The following PRTG variants were observed in gnomAD, a reference collection of about 807,000 sequenced individuals.
PRTG encodes immunoglobulin superfamily, DCC subclass, member 5.
PRTG carries 67 observed loss-of-function variants against 122.5 expected under a neutral mutation model. The ratio of observed to expected loss-of-function variants is 0.55; its 90% CI spans 0.45 to 0.67. The LOEUF (loss-of-function observed/expected upper bound fraction) is 0.67, where lower values mean the gene tolerates loss of function less well. Ranked by LOEUF, PRTG falls within the 30% of genes least tolerant of loss-of-function variation. The probability of loss-of-function intolerance (pLI) is 0.00; values close to 1 mark genes in which losing one functional copy is unlikely to be tolerated. For synonymous variants in PRTG, 554 were observed against 501.1 expected (o/e 1.11, Z -1.41); for missense variants, 1,435 against 1,415.4 (o/e 1.01, Z -0.22).
rs770802742 is a variant in PRTG, at chr15:55,740,482, T to C, written c.297A>G (p.Glu99=). 1.2e-5 allele frequency: 20 copies of C among 1,614,212 alleles called. No homozygotes were observed. The highest frequency in any genetic ancestry group is 1.6e-5 in the Non-Finnish European group (19 of 1,180,024). Residue 99 remains glutamate (E), a synonymous_variant, in exon 2 of 20, where the codon GAA becomes GAG. Transcript: ENST00000389286. ...SNGSLYISEV[E]GRRGEQSDEG... Reference sequence around the variant, plus strand: ...CATCGGACTGCTCTCCTCGCCTGCCTTCCACCTCACTGATGTATAAAGAGC... The same window carrying C: ...CATCGGACTGCTCTCCTCGCCTGCCCTCCACCTCACTGATGTATAAAGAGC...
At chr15:55,660,908 C>T (rs939377207) in intron 11 of PRTG, among the ~76,000 whole-genome samples, 2 of 152,044 alleles carry the variant, frequency 1.3e-5, no homozygotes, top group Non-Finnish European at 2.9e-5. Context: ...TAATAAATTA[C>T]GAAAATTTCT....
In PRTG at chr15:55,638,540, T is replaced by C; in HGVS notation, c.2452+9A>G. On this transcript the variant is annotated intron_variant, in intron 14 of 19. Coordinates refer to ENST00000389286, the MANE Select transcript of PRTG (RefSeq NM_173814.6). ...AAAGATAAAATCTATAGGGAGCTGTTTTCTTTACCTTCTGGAAGAGTAGAA... is the reference window on the plus strand; with the variant it reads ...AAAGATAAAATCTATAGGGAGCTGTCTTCTTTACCTTCTGGAAGAGTAGAA... The C allele has an allele frequency of 6.3e-7, 1 of 1,591,488 alleles. No individual in the cohort carries two copies. The highest frequency in any genetic ancestry group is 8.5e-7 in the Non-Finnish European group (1 of 1,172,192).
chr15:55,651,886 GAA>G (rs1484176014), intron 11 of PRTG, among the ~76,000 whole-genome samples: 1 of 152,134 alleles, frequency 6.6e-6, no homozygotes, highest in Non-Finnish European at 1.5e-5. Flanking sequence ...CAGCTCTGGT[GAA>G]GACTTAGAGA....
intron 11 of PRTG, among the ~76,000 whole-genome samples, chr15:55,661,106 A>C (rs2059407212): frequency 6.6e-6 from 1 of 151,906 alleles, no homozygotes. Context: ...TTCTTCAAAC[A>C]AAAAAAAGGT....
At chr15:55,660,016 G>C (rs557026509) in intron 11 of PRTG, among the ~76,000 whole-genome samples, 1 of 151,980 alleles carries the variant, frequency 6.6e-6, no homozygotes, top group Non-Finnish European at 1.5e-5. Flanking sequence ...CTATCCATAA[G>C]TAATTTTTTC....
chr15:55,648,950 A>G (rs1015870168), intron 11 of PRTG, among the ~76,000 whole-genome samples: 1 of 151,838 alleles, frequency 6.6e-6, no homozygotes, highest in African/African-American at 2.4e-5. Context: ...TACAAAAATT[A>G]GCCGGGCGTG....
At chr15:55,658,122 T>C (rs1248432045) in intron 11 of PRTG, among the ~76,000 whole-genome samples, 2 of 152,182 alleles carry the variant, frequency 1.3e-5, no homozygotes, top group Non-Finnish European at 2.9e-5. Context: ...CCCATATTTA[T>C]TCAGATGACA....
intron 9 of PRTG, among the ~76,000 whole-genome samples, chr15:55,674,289 G>A (rs917977182): frequency 3.9e-5 from 6 of 152,148 alleles, no homozygotes; most frequent in Admixed American, 2.6e-4. Context: ...TACCATGTAC[G>A]ACTCTGTGAT....
In PRTG at chr15:55,620,134, T is replaced by C. The variant is rs762975987; in HGVS notation, c.3331A>G (p.Thr1111Ala). 6.2e-7 allele frequency: 1 copy of C among 1,614,156 alleles called. No individual in the cohort carries two copies. Among genetic ancestry groups the C allele is most frequent in the Non-Finnish European group, 8.5e-7 (1 of 1,180,020 alleles). ...CCTTCACTATTTGCTGAATGTTCTG[T>C]ATCAGCTGCAACACCAAAGGGTCTT... ...FSRPFGVAAD[T>A]EHSANSEGSH... Residue 1111 changes from threonine to alanine, a missense_variant, in exon 20 of 20, where the codon ACA becomes GCA. Physicochemically the swap from Thr to Ala is moderately conservative, Grantham distance 58. Transcript: ENST00000389286.
Position 55,727,717 on chromosome 15 carries a change from A to T in PRTG, c.397+12665T>A, listed in dbSNP as rs1018347485. Among the ~76,000 whole-genome samples the T allele has an allele frequency of 3.9e-5, 6 of 152,208 alleles. No homozygotes were observed. In the East Asian group the frequency reaches 5.8e-4, roughly 15 times the overall value. On this transcript the variant is annotated intron_variant, in intron 2 of 19. Transcript: ENST00000389286. The stretch of plus-strand genomic sequence containing the variant: ...AGGCTGAGGCAGAAGAATCACTTGA[A>T]CCCAGCGGGCAGTGGTTGCAGTGAG...
At chr15:55,687,249 G>C (rs867047888) in intron 2 of PRTG, among the ~76,000 whole-genome samples, 4 of 152,040 alleles carry the variant, frequency 2.6e-5, no homozygotes, top group Middle Eastern at 6.8e-3. Context: ...TTATTTTTTT[G>C]TTTGCTACAA....
chr15:55,724,031 G>A (rs976586503), intron 2 of PRTG, among the ~76,000 whole-genome samples: 4 of 152,124 alleles, frequency 2.6e-5, no homozygotes, highest in Admixed American at 2.6e-4. Context: ...GATTACATAC[G>A]TGAGCCACCA....
intron 2 of PRTG, among the ~76,000 whole-genome samples, chr15:55,709,684 A>G (rs1211973313): frequency 1.3e-5 from 2 of 152,220 alleles, no homozygotes; most frequent in African/African-American, 2.4e-5. Flanking sequence ...TATCCATTCA[A>G]TGGAATGCTA....
chr15:55,729,596 T>A (rs2414429), intron 2 of PRTG, among the ~76,000 whole-genome samples: 19,770 of 150,212 alleles, frequency 0.13, 1,688 homozygotes, highest in East Asian at 0.33. Context: ...GGAAAAAAAA[T>A]AAAATAAAAT....
In PRTG at chr15:55,614,289, A is replaced by G. The variant is rs1483699978; in HGVS notation, c.*5723T>C. The G allele has an allele frequency of 6.6e-6, 1 of 152,112 alleles. No individual in the cohort carries two copies. The highest frequency in any genetic ancestry group is 2.4e-5 in the African/African-American group (1 of 41,444). The allele number at this position is 152,112 out of a possible 1,614,324, so 9.4% of individuals were successfully genotyped here. On this transcript the variant is annotated 3_prime_UTR_variant, in exon 20 of 20. Coordinates refer to ENST00000389286, the MANE Select transcript of PRTG (RefSeq NM_173814.6). ...AGATCAAATTTCCTAGGAAATGTATATACATGCTGATGGCATAAGGAGAGG... is the reference window on the plus strand; with the variant it reads ...AGATCAAATTTCCTAGGAAATGTATGTACATGCTGATGGCATAAGGAGAGG...
In PRTG at chr15:55,629,367, ATATATATATGTGTGTGTGTGTGTGTGTG is replaced by A. The variant is rs1229539872; in HGVS notation, c.2624-391_2624-364del. ...CATTTTTGTTTGGCTTTGTATATAT[ATATATATATGTGTGTGTGTGTGTGTGTG>A]TGTGTGTGTGTGTGTGTGTGTGTGT... On this transcript the variant is annotated intron_variant, in intron 15 of 19. Coordinates refer to ENST00000389286, the MANE Select transcript of PRTG (RefSeq NM_173814.6). 4.4e-3 allele frequency among the ~76,000 whole-genome samples: 576 copies of A among 130,160 alleles called. 3 individuals carry two copies. Among genetic ancestry groups the A allele is most frequent in the African/African-American group, 0.014 (508 of 35,620 alleles). The allele number at this position is 130,160 out of a possible 152,430, so 85.4% of individuals were successfully genotyped here.
rs989754142 is a variant in PRTG, at chr15:55,616,720, T to C, written c.*3292A>G. 6.6e-6 allele frequency: 1 copy of C among 152,194 alleles called. No homozygotes were observed. The highest frequency in any genetic ancestry group is 2.4e-5 in the African/African-American group (1 of 41,470). 9.4% of individuals were successfully genotyped at this position (152,194 alleles called of 1,614,324 possible). On this transcript the variant is annotated 3_prime_UTR_variant, in exon 20 of 20. Transcript: ENST00000389286. ...TAACCTTAAATATCTTTGGTTTTTT[T>C]CTTTTTAATTTGCTGATAAAAAGTA...
At chr15:55,650,929 T>G (rs1483748378) in intron 11 of PRTG, among the ~76,000 whole-genome samples, 2 of 152,052 alleles carry the variant, frequency 1.3e-5, no homozygotes, top group Non-Finnish European at 2.9e-5. Context: ...ATCCCACCAC[T>G]GCACTCCAGC....
chr15:55,649,628 T>C lies in PRTG; in HGVS notation c.2042-8420A>G, dbSNP rs369567031. Among the ~76,000 whole-genome samples the C allele has an allele frequency of 7.2e-5, 11 of 151,860 alleles. 1 individual carries two copies. In the East Asian group the frequency reaches 1.2e-3, roughly 16 times the overall value. On this transcript the variant is annotated intron_variant, in intron 11 of 19. Transcript: ENST00000389286. ...GGTGAAACTCCATCTCTACTAAAAA[T>C]ACAAAAATTAGCCACGTGTGGTGGT...
Sources: gnomAD v4.1 joint callset for allele counts (sites outside exome capture counted in the v4.1 genomes callset) on GRCh38, gnomAD v4.1.1 for gene constraint, MANE v1.5 for transcripts, NCBI Gene and HGNC (gene_info 2026-07-23, HGNC 2026-07-21) for gene names.